IRF8: variants seen among roughly 807,000 people sequenced by gnomAD.
The protein encoded by IRF8 is interferon regulatory factor 8.
IRF8 carries 14 observed loss-of-function variants against 48.7 expected under a neutral mutation model. The observed-to-expected ratio is 0.29, with a 90% CI of 0.19 to 0.45. IRF8 has a LOEUF of 0.45. Ranked by LOEUF, IRF8 falls within the 20% of genes least tolerant of loss-of-function variation. IRF8 has a pLI of 1.00. For missense variants in IRF8, 493 were observed against 580.7 expected (o/e 0.85, Z 1.55); for synonymous variants, 278 against 227.3 (o/e 1.22, Z -2.01).
At chr16:85,911,789 C>T (rs773610806) in intron 4 of IRF8, 131 bp downstream of exon 4, 3 of 738,108 alleles carry the variant, frequency 4.1e-6, no homozygotes, top group African/African-American at 1.7e-5. Context: ...GTGGCATCTC[C>T]ACCTGTACAG....
intron 1 of IRF8, among the ~76,000 whole-genome samples, chr16:85,901,995 T>C (rs1197469682): frequency 3.3e-5 from 5 of 151,626 alleles, no homozygotes; most frequent in Non-Finnish European, 1.5e-5. Context: ...TTCTTGGAAA[T>C]GTTGGCTCTA....
chr16:85,899,541 A>G (rs1003504075), intron 1 of IRF8, among the ~76,000 whole-genome samples: 3 of 152,198 alleles, frequency 2.0e-5, no homozygotes, highest in Non-Finnish European at 4.4e-5. Context: ...GGCAATAGCA[A>G]CCCCCTATCT....
At chr16:85,917,630 C>T (rs1905358397) in intron 6 of IRF8, among the ~76,000 whole-genome samples, 1 of 152,182 alleles carries the variant, frequency 6.6e-6, no homozygotes, top group Non-Finnish European at 1.5e-5. Context: ...TGACAATGCC[C>T]TGAATTTGGA....
intron 3 of IRF8, chr16:85,909,957 G>T (rs1302654976): frequency 6.6e-6 from 1 of 152,202 alleles, no homozygotes; most frequent in African/African-American, 2.4e-5. Flanking sequence ...ACCCACTCTG[G>T]CTTTCTCCTT....
intron 1 of IRF8, among the ~76,000 whole-genome samples, chr16:85,900,142 G>A (rs1056178090): frequency 1.3e-5 from 2 of 152,300 alleles, no homozygotes; most frequent in African/African-American, 4.8e-5. Context: ...GGTGCTTTCT[G>A]GTCTAGTGAT....
At position 85,901,501 on chromosome 16, in the gene IRF8, C is replaced by A. The variant is rs1475217594; in HGVS notation, c.-1-1514C>A. ...GGTGTGGTGGCATATGTCTGTAGTT[C>A]CAGGTACTCAAGGGGCTGAGGCAGG... On this transcript the variant is annotated intron_variant, in intron 1 of 8. Coordinates refer to ENST00000268638, the MANE Select transcript of IRF8 (RefSeq NM_002163.4). Among the ~76,000 whole-genome samples, 3 of 152,046 alleles carry A rather than the reference C, an allele frequency of 2.0e-5. No homozygotes were observed. The South Asian group carries it at 6.2e-4, about 32-fold the overall frequency.
At chr16:85,901,348 T>A (rs774416753) in intron 1 of IRF8, 5 of 152,212 alleles carry the variant, frequency 3.3e-5, no homozygotes, top group Admixed American at 6.5e-5. Context: ...CTAATTTGGG[T>A]GGGCGCAGTG....
chr16:85,903,418 A>G (rs1280483883), intron 2 of IRF8: 9 of 550,582 alleles, frequency 1.6e-5, no homozygotes, highest in Non-Finnish European at 2.3e-5. Context: ...TCTGATGAGG[A>G]GATCGAAGGC....
intron 1 of IRF8, chr16:85,900,815 A>G (rs886262558): frequency 3.3e-5 from 5 of 152,238 alleles, no homozygotes; most frequent in African/African-American, 1.2e-4. Context: ...TCACCAAGAT[A>G]GTTGTCCTGA....
chr16:85,920,201 C>A lies in IRF8; in HGVS notation c.1081C>A (p.Arg361Ser). 6.5e-7 allele frequency: 1 copy of A among 1,549,492 alleles called. No individual in the cohort carries two copies. Among genetic ancestry groups the A allele is most frequent in the Non-Finnish European group, 8.9e-7 (1 of 1,126,482 alleles). Residue 361 changes from arginine to serine, a missense_variant, in exon 8 of 9, where the codon CGC becomes AGC. Around this residue, in one of 3 missense-constraint regions of IRF8, gnomAD observed 408 missense variants for 449.6 expected, o/e 0.91. Transcript: ENST00000268638. ...AGAGTTTCCGGATATGGCCCCCTTG[C>A]GCTCCAAACTCATTCTCGTGCAGGT... ...GEEFPDMAPL[R>S]SKLILVQIEQ...
intron 7 of IRF8, 85 bp from the exon 8 acceptor site, chr16:85,920,024 C>A: frequency 1.0e-6 from 1 of 992,552 alleles, no homozygotes; most frequent in Non-Finnish European, 1.6e-6. Context: ...AGCCCTGGGC[C>A]TCCTGATCCC....
intron 6 of IRF8, among the ~76,000 whole-genome samples, chr16:85,916,096 C>T (rs897023614): frequency 3.3e-5 from 5 of 152,346 alleles, no homozygotes; most frequent in Admixed American, 2.0e-4. Context: ...GGAGTCTTGT[C>T]TGTGTAGATA....
intron 2 of IRF8, chr16:85,903,440 C>T (rs1904892631): frequency 2.0e-6 from 1 of 503,606 alleles, no homozygotes; most frequent in Non-Finnish European, 3.6e-6. Context: ...CTTTTCTTCT[C>T]TTTTCTGCTG....
intron 5 of IRF8, chr16:85,914,077 C>T (rs1457406067): frequency 1.3e-5 from 4 of 307,476 alleles, no homozygotes; most frequent in Non-Finnish European, 2.5e-5. Context: ...GTCTGTGCTG[C>T]AGGAACACCA....
intron 6 of IRF8, among the ~76,000 whole-genome samples, chr16:85,916,782 C>A (rs1287706647): frequency 1.3e-5 from 2 of 152,136 alleles, no homozygotes; most frequent in East Asian, 3.8e-4. Context: ...GTGTGGAGTC[C>A]GCAGGCAGTG....
chr16:85,920,706 CT>C (rs1007792732), intron 8 of IRF8, among the ~76,000 whole-genome samples: 3 of 152,218 alleles, frequency 2.0e-5, no homozygotes, highest in Non-Finnish European at 4.4e-5. Context: ...TCCGAGCCAT[CT>C]TCTGGTGTCT....
chr16:85,906,353 G>A (rs1905001651), intron 2 of IRF8, among the ~76,000 whole-genome samples: 1 of 152,290 alleles, frequency 6.6e-6, no homozygotes, highest in East Asian at 1.9e-4. Context: ...GGGTGGGGGG[G>A]CCCTGAAATC....
chr16:85,906,801 T>G (rs1905018731), intron 2 of IRF8, among the ~76,000 whole-genome samples: 1 of 152,032 alleles, frequency 6.6e-6, no homozygotes, highest in Non-Finnish European at 1.5e-5. Context: ...CTTTTTTGGT[T>G]GTCACAGCTA....
In IRF8 at chr16:85,921,333, G is replaced by C; in HGVS notation, c.*51G>C. The C allele has an allele frequency of 6.4e-7, 1 of 1,567,850 alleles. No individual in the cohort carries two copies. Among genetic ancestry groups the C allele is most frequent in the Non-Finnish European group, 8.7e-7 (1 of 1,143,826 alleles). On this transcript the variant is annotated 3_prime_UTR_variant, in exon 9 of 9. Transcript: ENST00000268638. Reference sequence around the variant, plus strand: ...GTCTGCGTCCTGCATCCATCTCCCTGTTACAGTGGCCCGCATCATGATTAA... The same window carrying C: ...GTCTGCGTCCTGCATCCATCTCCCTCTTACAGTGGCCCGCATCATGATTAA...
Sources: allele counts gnomAD v4.1 joint callset (sites outside exome capture counted in the v4.1 genomes callset), GRCh38; gene constraint gnomAD v4.1.1; regional missense constraint gnomAD v4.1.1; transcripts MANE v1.5; gene names NCBI Gene and HGNC (gene_info 2026-07-23, HGNC 2026-07-21).